SOAT1: variants seen among roughly 807,000 people sequenced by gnomAD.
SOAT1 encodes acyl-coenzyme A:cholesterol acyltransferase 1.
SOAT1 carries 55 observed loss-of-function variants against 69.5 expected under a neutral mutation model. The observed-to-expected ratio is 0.79, with a 90% CI of 0.64 to 0.99. The LOEUF (loss-of-function observed/expected upper bound fraction) is 0.99, where lower values mean the gene tolerates loss of function less well. Among genes scored for constraint, SOAT1 ranks in the 50% least tolerant of loss-of-function variants. SOAT1 has a pLI of 0.00. For missense variants in SOAT1, 580 were observed against 669.3 expected (o/e 0.87, Z 1.47); for synonymous variants, 231 against 224.7 (o/e 1.03, Z -0.25).
rs968005074 is a variant in SOAT1, at chr1:179,350,280, T to C, written c.1315-16T>C. 1.2e-6 allele frequency: 2 copies of C among 1,608,190 alleles called. No homozygotes were observed. Among genetic ancestry groups the C allele is most frequent in the African/African-American group, 2.7e-5 (2 of 74,438 alleles). ...ATTTTTAAAAATTACTTTGTAGTGT[T>C]TTCCTTTTTCTTTAGTTTTTCTCCA... On this transcript the variant is annotated splice_polypyrimidine_tract_variant and intron_variant, in intron 13 of 15. Transcript: ENST00000367619.
In SOAT1 at chr1:179,339,500, T is replaced by C; in HGVS notation, c.452T>C (p.Leu151Pro). The change falls in exon 6 of 16, where the codon CTC becomes CCC. Residue 151 changes from leucine to proline, a missense_variant. Physicochemically the swap from Leu to Pro is moderately conservative, Grantham distance 98 (BLOSUM62 -3). Coordinates refer to ENST00000367619, the MANE Select transcript of SOAT1 (RefSeq NM_003101.6). ...CACATGTTTATTGCCCTCCTCATTC[T>C]CTTTATCCTCAGCACACTTGTAGTA... ...IYHMFIALLI[L>P]FILSTLVVDY... 3 of 1,613,122 alleles carry C rather than the reference T, an allele frequency of 1.9e-6. No homozygotes were observed. The highest frequency in any genetic ancestry group is 2.5e-6 in the Non-Finnish European group (3 of 1,179,568).
chr1:179,329,591 TACAC>T (rs1433673251), intron 3 of SOAT1, among the ~76,000 whole-genome samples: 8 of 151,436 alleles, frequency 5.3e-5, no homozygotes, highest in Admixed American at 3.3e-4. Flanking sequence ...TCTGGTGGTA[TACAC>T]CTGTAGTCCC....
At chr1:179,318,609 C>T (rs928633681) in intron 2 of SOAT1, among the ~76,000 whole-genome samples, 1 of 152,136 alleles carries the variant, frequency 6.6e-6, no homozygotes, top group Non-Finnish European at 1.5e-5. Flanking sequence ...AGCAGTTATT[C>T]CCTTTTTGCC....
At chr1:179,343,877 C>G (rs1666428837) in intron 10 of SOAT1, among the ~76,000 whole-genome samples, 1 of 152,128 alleles carries the variant, frequency 6.6e-6, no homozygotes, top group Non-Finnish European at 1.5e-5. Flanking sequence ...AATCCCAGCA[C>G]TTTGGGAGGC....
At chr1:179,337,777 A>T in intron 4 of SOAT1, 60 bp from the exon 5 acceptor site, 1 of 1,229,420 alleles carries the variant, frequency 8.1e-7, no homozygotes, top group Non-Finnish European at 1.2e-6. Flanking sequence ...TGTCTGTGGG[A>T]TTAGATTTCT....
At chr1:179,329,478 C>A (rs1448465551) in intron 3 of SOAT1, among the ~76,000 whole-genome samples, 1 of 152,148 alleles carries the variant, frequency 6.6e-6, no homozygotes, top group Non-Finnish European at 1.5e-5. Flanking sequence ...GTAATCCCAG[C>A]ACTTTGAGAG....
intron 2 of SOAT1, among the ~76,000 whole-genome samples, chr1:179,303,580 AC>A (rs745411239): frequency 1.3e-5 from 2 of 152,222 alleles, no homozygotes; most frequent in Non-Finnish European, 2.9e-5. Flanking sequence ...TCATAAAGAA[AC>A]AGTTTTGTTT....
intron 2 of SOAT1, among the ~76,000 whole-genome samples, chr1:179,314,584 AT>A: frequency 6.6e-6 from 1 of 152,146 alleles, no homozygotes; most frequent in East Asian, 1.9e-4. Context: ...GGTAAAGTAC[AT>A]TTTTGTTTTA....
At chr1:179,309,961 G>A (rs555574551) in intron 2 of SOAT1, among the ~76,000 whole-genome samples, 2 of 151,884 alleles carry the variant, frequency 1.3e-5, no homozygotes, top group African/African-American at 2.4e-5. Flanking sequence ...GTGCAATGGC[G>A]TGATCTTGGC....
At position 179,337,891 on chromosome 1, in the gene SOAT1, CTT is replaced by C. The variant is rs774783484; in HGVS notation, c.385_386del (p.Leu129ArgfsTer2). 8.1e-6 allele frequency: 13 copies of C among 1,600,352 alleles called. No individual in the cohort carries two copies. On this transcript the variant is annotated frameshift_variant, in exon 5 of 16. Coordinates refer to ENST00000367619, the MANE Select transcript of SOAT1 (RefSeq NM_003101.6). LOFTEE classifies it high-confidence loss of function. The part of the protein sequence containing the change: ...GKIFIARRSL[L>X]DELLEVDHIR... ...AGATTTTTATTGCAAGGCGCTCTCT[CTT>C]AGAGTGAGTATTTTTAGTTGTTTTT...
At chr1:179,344,349 A>T (rs10798663) in intron 10 of SOAT1, among the ~76,000 whole-genome samples, 128,534 of 130,558 alleles carry the variant, frequency 0.98, 63,255 homozygotes, top group Middle Eastern at 1. Flanking sequence ...TCTTTCATTA[A>T]GGGGTTTTTT....
Position 179,341,153 on chromosome 1 carries a change from C to G in SOAT1, c.623C>G (p.Thr208Ser). The G allele has an allele frequency of 6.2e-7, 1 of 1,614,140 alleles. No individual in the cohort carries two copies. Among genetic ancestry groups the G allele is most frequent in the Non-Finnish European group, 8.5e-7 (1 of 1,180,018 alleles). ...VPYFLFQHWA[T>S]GYSKSSHPLI... is the part of the protein sequence containing the mutation. ...TATTTTCTGTTTCAACATTGGGCCA[C>G]TGGCTATAGCAAGAGTTCTCATCCG... Residue 208 changes from threonine (T) to serine (S), a missense_variant, in exon 7 of 16, where the codon ACT becomes AGT. Coordinates refer to ENST00000367619, the MANE Select transcript of SOAT1 (RefSeq NM_003101.6).
chr1:179,308,254 G>C (rs974243285), intron 2 of SOAT1, among the ~76,000 whole-genome samples: 2 of 152,176 alleles, frequency 1.3e-5, no homozygotes, highest in African/African-American at 4.8e-5. Context: ...AAGATAATAT[G>C]ATGTTGTAAC....
chr1:179,338,312 C>T (rs539829272), intron 5 of SOAT1, among the ~76,000 whole-genome samples: 5 of 152,228 alleles, frequency 3.3e-5, no homozygotes, highest in East Asian at 1.9e-4. Flanking sequence ...CGCTTGAGCC[C>T]GGAAGGGTGG....
rs1188579269 is a variant in SOAT1, at chr1:179,356,298, T to A, written c.*2657T>A. On this transcript the variant is annotated 3_prime_UTR_variant, in exon 16 of 16. Transcript: ENST00000367619. ...TCATTAGATCTCTAACTTGACCTTC[T>A]AGTACCTTTATGTGTGAGGATAAAT... 2.0e-5 allele frequency: 3 copies of A among 152,140 alleles called. No individual in the cohort carries two copies. Among genetic ancestry groups the A allele is most frequent in the Non-Finnish European group, 4.4e-5 (3 of 68,028 alleles). 9.4% of individuals were successfully genotyped at this position (152,140 alleles called of 1,614,324 possible). A position where few individuals can be genotyped will look rare whatever the true frequency, so the allele number is the denominator to read the frequency against.
intron 1 of SOAT1, among the ~76,000 whole-genome samples, chr1:179,301,562 G>A (rs1039114743): frequency 6.6e-6 from 1 of 152,180 alleles, no homozygotes; most frequent in Non-Finnish European, 1.5e-5. Context: ...GCTGTGGTGT[G>A]CATTCCTATA....
chr1:179,348,759 GATGTGTGTGTGT>G (rs1217581190), intron 12 of SOAT1, 73 bp from the exon 13 acceptor site: 18 of 637,650 alleles, frequency 2.8e-5, no homozygotes, highest in African/African-American at 6.7e-5. Flanking sequence ...TTTCGGGTGG[GATGTGTGTGTGT>G]GTGTGTGTGT....
At chr1:179,298,252 T>C (rs905966781) in intron 1 of SOAT1, among the ~76,000 whole-genome samples, 8 of 151,040 alleles carry the variant, frequency 5.3e-5, no homozygotes, top group Non-Finnish European at 1.2e-4. Context: ...CCTGGCTAAT[T>C]TTTTGTATTT....
chr1:179,328,977 TG>T (rs1227044587), intron 3 of SOAT1, among the ~76,000 whole-genome samples: 1 of 145,602 alleles, frequency 6.9e-6, no homozygotes, highest in African/African-American at 2.5e-5. Context: ...GCCCAGCAGG[TG>T]GAGGTTGCAA....
Sources: allele counts gnomAD v4.1 joint callset (sites outside exome capture counted in the v4.1 genomes callset), GRCh38; gene constraint gnomAD v4.1.1; transcripts MANE v1.5; gene names NCBI Gene and HGNC (gene_info 2026-07-23, HGNC 2026-07-21).